Variants in SPMIP8 observed in about 807,000 individuals in gnomAD.
SPMIP8 encodes the protein testicular tissue protein Li 196.
the SPMIP8 span, chr16:57,985,474 C>G: frequency 6.2e-7 from 1 of 1,613,886 alleles, no homozygotes; most frequent in Non-Finnish European, 8.5e-7. Context: ...CCCTGCTGCC[C>G]GCCTCAGTAC....
chr16:57,987,291 A>G, the SPMIP8 span: 1 of 1,224,180 alleles, frequency 8.2e-7, no homozygotes, highest in East Asian at 3.1e-5. Flanking sequence ...TGAGCCACAT[A>G]GAGGCTGGCT....
the SPMIP8 span, among the ~76,000 whole-genome samples, chr16:57,982,138 C>T: frequency 6.6e-6 from 1 of 152,186 alleles, no homozygotes. Flanking sequence ...CATTCTTGGA[C>T]ACCCTTTAGC....
the SPMIP8 span, among the ~76,000 whole-genome samples, chr16:57,981,422 T>TATAATAATA: frequency 9.1e-5 from 13 of 142,338 alleles, no homozygotes; most frequent in South Asian, 2.1e-4. Flanking sequence ...TAATTATTAT[T>TATAATAATA]ATTATTATTA....
At chr16:57,979,603 A>G in the SPMIP8 span, among the ~76,000 whole-genome samples, 15 of 152,230 alleles carry the variant, frequency 9.9e-5, no homozygotes, top group South Asian at 2.1e-4. Context: ...TCAAAATGCT[A>G]TAACAATATG....
chr16:57,984,909 G>T, the SPMIP8 span: 1 of 1,427,840 alleles, frequency 7.0e-7, no homozygotes, highest in South Asian at 1.4e-5. Context: ...GGCGGGCCAG[G>T]CAGAAACAGG....
the SPMIP8 span, chr16:57,984,258 A>C: frequency 6.2e-7 from 1 of 1,602,066 alleles, no homozygotes; most frequent in Non-Finnish European, 8.6e-7. Flanking sequence ...ACCTCTGACC[A>C]CTGGTGAAGG....
chr16:57,986,175 T>C, the SPMIP8 span: 1 of 455,414 alleles, frequency 2.2e-6, no homozygotes, highest in Non-Finnish European at 3.8e-6. Context: ...TCCCACCAGG[T>C]TTGACTGGAG....
At chr16:57,984,616 G>A in the SPMIP8 span, 2 of 1,548,598 alleles carry the variant, frequency 1.3e-6, no homozygotes, top group Non-Finnish European at 1.7e-6. Context: ...GCGCGGGCCT[G>A]ACCCCCGTGG....
the SPMIP8 span, chr16:57,985,617 G>A: frequency 1.3e-6 from 2 of 1,511,500 alleles, no homozygotes; most frequent in Non-Finnish European, 1.8e-6. Context: ...CGCTTTCCTA[G>A]CGCACAGGCA....
At chr16:57,986,245 A>C in the SPMIP8 span, 20 of 334,020 alleles carry the variant, frequency 6.0e-5, no homozygotes, top group Non-Finnish European at 6.5e-5. Flanking sequence ...ACAAATAAGA[A>C]ACACAAGGGA....
the SPMIP8 span, chr16:57,985,831 G>T: frequency 1.3e-6 from 2 of 1,515,478 alleles, no homozygotes; most frequent in East Asian, 4.7e-5. Flanking sequence ...GAGAGGGGGT[G>T]GCTCCCGAGG....
the SPMIP8 span, chr16:57,978,014 C>T: frequency 6.5e-4 from 1,054 of 1,614,042 alleles, 11 homozygotes; most frequent in African/African-American, 0.012. Flanking sequence ...ATGAGCACTG[C>T]CAGTCCACCA....
chr16:57,985,465 C>G, the SPMIP8 span: 2 of 1,613,918 alleles, frequency 1.2e-6, no homozygotes, highest in Non-Finnish European at 1.7e-6. Flanking sequence ...CGCCCCTATC[C>G]CTGCTGCCCG....
the SPMIP8 span, among the ~76,000 whole-genome samples, chr16:57,983,009 G>A: frequency 7.9e-5 from 12 of 152,126 alleles, no homozygotes; most frequent in Non-Finnish European, 1.3e-4. Context: ...CAGCCTGGGC[G>A]ACAGAGCGAG....
the SPMIP8 span, among the ~76,000 whole-genome samples, chr16:57,979,775 T>C: frequency 6.6e-6 from 1 of 152,072 alleles, no homozygotes; most frequent in Non-Finnish European, 1.5e-5. Flanking sequence ...ACCCAGAAAT[T>C]TGTAAATTTA....
the SPMIP8 span, among the ~76,000 whole-genome samples, chr16:57,980,003 G>A: frequency 5.3e-4 from 80 of 152,308 alleles, no homozygotes; most frequent in Non-Finnish European, 1.1e-3. Flanking sequence ...GGCGGAGGTT[G>A]CGATGAGCCG....
chr16:57,987,517 C>T, the SPMIP8 span: 2 of 1,437,544 alleles, frequency 1.4e-6, no homozygotes, highest in Non-Finnish European at 1.9e-6. Flanking sequence ...CACCAGCCAT[C>T]TCCCCAGGAG....
chr16:57,984,418 A>C, the SPMIP8 span: 1 of 1,600,494 alleles, frequency 6.2e-7, no homozygotes, highest in Non-Finnish European at 8.6e-7. Flanking sequence ...AGCCCCAAGC[A>C]CCTCTGGTCC....
chr16:57,987,890 A>G, the SPMIP8 span: 1 of 155,768 alleles, frequency 6.4e-6, no homozygotes, highest in Non-Finnish European at 1.4e-5. Context: ...GCCTTTTTGA[A>G]GCTCTTGTCA....
Sources: gnomAD v4.1 joint callset for allele counts (sites outside exome capture counted in the v4.1 genomes callset) on GRCh38, gnomAD v4.1.1 for gene constraint, MANE v1.5 for transcripts, NCBI Gene and HGNC (gene_info 2026-07-23, HGNC 2026-07-21) for gene names.